The following GPHN variants were observed in gnomAD, a reference collection of about 807,000 sequenced individuals.
The protein encoded by GPHN is gephyrin.
Under a neutral mutation model 95.5 loss-of-function variants are expected in GPHN, and 17 were observed. The ratio of observed to expected loss-of-function variants is 0.18; its 90% confidence interval spans 0.12 to 0.27. The LOEUF (loss-of-function observed/expected upper bound fraction) is 0.27, where lower values mean the gene tolerates loss of function less well. GPHN is among the 10% of genes least tolerant of loss of function. GPHN has a pLI of 1.00. For synonymous variants in GPHN, 320 were observed against 322.5 expected (o/e 0.99, Z 0.08); for missense variants, 660 against 978.1 (o/e 0.67, Z 4.34).
At chr14:66,915,529 C>T (rs1407603818) in intron 5 of GPHN, among the ~76,000 whole-genome samples, 1 of 152,134 alleles carries the variant, frequency 6.6e-6, no homozygotes, top group Non-Finnish European at 1.5e-5. Flanking sequence ...CAACCTCTTC[C>T]CTTCTGCCAT....
rs12586896 is a variant in GPHN at position 67,155,480 on chromosome 14, A to G, written c.1837-3935A>G. On this transcript the variant is annotated intron_variant, in intron 18 of 22. Transcript: ENST00000478722. ...AGACCTAAAAATGATGCTGATACTT[A>G]TATTGTCTCACATGGACTTTAATAA... 6.2e-3 allele frequency among the ~76,000 whole-genome samples: 938 copies of G among 152,342 alleles called. 19 individuals are homozygous for G. The highest frequency in any genetic ancestry group is 0.053 in the East Asian group (277 of 5,188).
the GPHN span, among the ~76,000 whole-genome samples, chr14:67,525,572 C>T: frequency 7.4e-4 from 113 of 152,288 alleles, no homozygotes; most frequent in Non-Finnish European, 1.0e-3. Flanking sequence ...GAAGAAAGGA[C>T]GCAAGAATCA....
chr14:66,679,904 C>T (rs901245502), intron 1 of GPHN, among the ~76,000 whole-genome samples: 3 of 152,140 alleles, frequency 2.0e-5, no homozygotes, highest in Admixed American at 6.5e-5. Context: ...TATTTATTCT[C>T]TTTTCCCTTG....
At chr14:67,665,042 T>A in the GPHN span, among the ~76,000 whole-genome samples, 1 of 152,238 alleles carries the variant, frequency 6.6e-6, no homozygotes, top group South Asian at 2.1e-4. Flanking sequence ...ATTTTTCTAT[T>A]TTTTGGTAGA....
chr14:66,757,150 C>T (rs761512442), intron 2 of GPHN, among the ~76,000 whole-genome samples: 1 of 151,954 alleles, frequency 6.6e-6, no homozygotes, highest in Non-Finnish European at 1.5e-5. Flanking sequence ...CCAGGAAAAC[C>T]ATGGAGTTAT....
At chr14:66,881,485 T>C (rs1363386528) in intron 5 of GPHN, among the ~76,000 whole-genome samples, 1 of 151,868 alleles carries the variant, frequency 6.6e-6, no homozygotes, top group Non-Finnish European at 1.5e-5. Context: ...GTAATAAAAT[T>C]TTAATTCGGT....
chr14:67,264,922 G>A, the GPHN span, among the ~76,000 whole-genome samples: 10 of 152,116 alleles, frequency 6.6e-5, no homozygotes, highest in African/African-American at 2.2e-4. Flanking sequence ...CAACAGAATT[G>A]TCAGGAATCA....
At chr14:66,965,095 G>A in intron 8 of GPHN, 96 bp from the exon 9 acceptor site, 1 of 981,908 alleles carries the variant, frequency 1.0e-6, no homozygotes. Flanking sequence ...ATATGTCAGA[G>A]CTGAGCAGCA....
At chr14:66,776,552 C>T (rs1264816755) in intron 3 of GPHN, 31 bp downstream of exon 3, 53 of 1,251,346 alleles carry the variant, frequency 4.2e-5, no homozygotes, top group Non-Finnish European at 6.0e-5. Flanking sequence ...CCTCTACAAA[C>T]ATTTAGCATC....
chr14:67,277,549 C>T, the GPHN span, among the ~76,000 whole-genome samples: 1 of 151,514 alleles, frequency 6.6e-6, no homozygotes, highest in African/African-American at 2.4e-5. Context: ...AAGTGATGCC[C>T]AACTCAAGGA....
intron 9 of GPHN, among the ~76,000 whole-genome samples, chr14:66,966,419 C>A (rs2069331771): frequency 6.6e-6 from 1 of 151,914 alleles, no homozygotes; most frequent in African/African-American, 2.4e-5. Context: ...TTAATTTTAT[C>A]ATTTAAAAAA....
At chr14:67,581,160 C>T in the GPHN span, 8 of 656,790 alleles carry the variant, frequency 1.2e-5, no homozygotes, top group East Asian at 2.7e-5. Context: ...ATAACACTGC[C>T]TGGCAGTCAC....
chr14:67,242,150 C>T, the GPHN span, among the ~76,000 whole-genome samples: 1 of 152,172 alleles, frequency 6.6e-6, no homozygotes, highest in Non-Finnish European at 1.5e-5. Context: ...ATGAAGTTTG[C>T]TTTAAACGAT....
chr14:67,008,714 T>G (rs2072778678), intron 9 of GPHN, among the ~76,000 whole-genome samples: 3 of 151,760 alleles, frequency 2.0e-5, no homozygotes, highest in Admixed American at 2.0e-4. Flanking sequence ...CCAGCTAATT[T>G]TTTGTGTTTT....
chr14:66,509,076 G>T, intron 1 of GPHN: 1 of 203,126 alleles, frequency 4.9e-6, no homozygotes, highest in South Asian at 8.7e-5. Context: ...GTGCTTGCCT[G>T]GACGAGACTC....
chr14:66,517,528 C>G (rs909459019), intron 1 of GPHN, among the ~76,000 whole-genome samples: 7 of 152,314 alleles, frequency 4.6e-5, no homozygotes, highest in Admixed American at 2.6e-4. Flanking sequence ...ATCATACTAT[C>G]AGACTTTAAA....
chr14:66,998,618 C>T (rs2071977464), intron 9 of GPHN, among the ~76,000 whole-genome samples: 1 of 151,972 alleles, frequency 6.6e-6, no homozygotes, highest in African/African-American at 2.4e-5. Flanking sequence ...TTCCATGGCT[C>T]GATCTCTTCT....
At chr14:67,433,499 C>T in the GPHN span, among the ~76,000 whole-genome samples, 1 of 151,820 alleles carries the variant, frequency 6.6e-6, no homozygotes, top group Non-Finnish European at 1.5e-5. Flanking sequence ...TACTTTGATC[C>T]TAATTGTGAA....
chr14:67,178,712 A>G (rs1048987390), intron 21 of GPHN, among the ~76,000 whole-genome samples: 1 of 152,234 alleles, frequency 6.6e-6, no homozygotes, highest in Non-Finnish European at 1.5e-5. Flanking sequence ...TGAGAGATAT[A>G]GACATCCAGA....
Sources: gnomAD v4.1 joint callset for allele counts (sites outside exome capture counted in the v4.1 genomes callset) on GRCh38, gnomAD v4.1.1 for gene constraint, MANE v1.5 for transcripts, NCBI Gene and HGNC (gene_info 2026-07-23, HGNC 2026-07-21) for gene names.